Variants in GNPTAB observed in about 807,000 individuals in gnomAD.
The protein encoded by GNPTAB is N-acetylglucosamine-1-phosphotransferase subunits alpha/beta.
GNPTAB carries 92 observed loss-of-function variants against 136.6 expected under a neutral mutation model. The observed-to-expected ratio is 0.67, with a 90% CI of 0.57 to 0.80. GNPTAB has a LOEUF of 0.80. Among genes scored for constraint, GNPTAB ranks in the 30% least tolerant of loss-of-function variants. The pLI, the probability that GNPTAB is intolerant of heterozygous loss-of-function variation, is 0.00. For missense variants in GNPTAB, 1,343 were observed against 1,501.8 expected (o/e 0.89, Z 1.75); for synonymous variants, 512 against 535.1 (o/e 0.96, Z 0.60).
chr12:101,780,056 A>G, intron 7 of GNPTAB, 96 bp downstream of exon 7: 1 of 1,197,132 alleles, frequency 8.4e-7, no homozygotes, highest in East Asian at 2.3e-5. Context: ...TATGTTTATC[A>G]GCTAAACTTT....
intron 2 of GNPTAB, among the ~76,000 whole-genome samples, chr12:101,793,554 G>GTT (rs1869115230): frequency 6.6e-6 from 1 of 152,182 alleles, no homozygotes; most frequent in African/African-American, 2.4e-5. Context: ...TGAGTCAGTT[G>GTT]TTTTCCTATT....
intron 18 of GNPTAB, among the ~76,000 whole-genome samples, chr12:101,753,995 G>A (rs1184290436): frequency 6.6e-6 from 1 of 151,984 alleles, no homozygotes; most frequent in Non-Finnish European, 1.5e-5. Context: ...CTACAAATAT[G>A]AAAATTAGCC....
rs1440593346 is a variant in GNPTAB, at chr12:101,760,016, C to A, written c.3249+14G>T. 1 of 1,423,674 alleles carries A rather than the reference C, an allele frequency of 7.0e-7. No homozygotes were observed. Among genetic ancestry groups the A allele is most frequent in the Middle Eastern group, 1.7e-4 (1 of 5,724 alleles). 88.2% of individuals were successfully genotyped at this position (1,423,674 alleles called of 1,614,324 possible). On this transcript the variant is annotated intron_variant, in intron 16 of 20. Transcript: ENST00000299314. ...TACTTTCTGTTGTACATAAAAGTAA[C>A]CCATTCCACTTACCAGGTTGGGATC...
chr12:101,806,708 A>G (rs905450017), intron 1 of GNPTAB, among the ~76,000 whole-genome samples: 1 of 152,212 alleles, frequency 6.6e-6, no homozygotes, highest in African/African-American at 2.4e-5. Context: ...CTTGAAACAC[A>G]TGATCCAAAA....
chr12:101,798,569 A>G (rs1869432195), intron 1 of GNPTAB, among the ~76,000 whole-genome samples: 1 of 152,404 alleles, frequency 6.6e-6, no homozygotes, highest in African/African-American at 2.4e-5. Flanking sequence ...ATCAAAACTT[A>G]TACAAACACA....
At chr12:101,757,717 T>A in intron 16 of GNPTAB, 60 bp from the exon 17 acceptor site, 1 of 847,764 alleles carries the variant, frequency 1.2e-6, no homozygotes, top group African/African-American at 1.7e-5. Context: ...GGCAATTTAG[T>A]CCTAATCTTA....
intron 16 of GNPTAB, 106 bp downstream of exon 16, chr12:101,759,924 C>T: frequency 1.3e-6 from 1 of 764,728 alleles, no homozygotes; most frequent in Non-Finnish European, 2.4e-6. Flanking sequence ...ACATATAAAA[C>T]CATAGAGCCT....
rs1566071995 is a variant in GNPTAB at position 101,761,780 on chromosome 12, A to G, written c.2716-17T>C. 6.4e-7 allele frequency: 1 copy of G among 1,562,470 alleles called. No homozygotes were observed. Among genetic ancestry groups the G allele is most frequent in the Non-Finnish European group, 8.8e-7 (1 of 1,133,800 alleles). On this transcript the variant is annotated splice_polypyrimidine_tract_variant and intron_variant, in intron 13 of 20. Transcript: ENST00000299314. ...CTCTTCTTCCTGAAAAGAGAATTCTACATGTAACTCAGCATTATGTTTAGT... is the reference window on the plus strand; with the variant it reads ...CTCTTCTTCCTGAAAAGAGAATTCTGCATGTAACTCAGCATTATGTTTAGT...
At chr12:101,785,969 C>T (rs774128804) in intron 5 of GNPTAB, 43 bp downstream of exon 5, 41 of 1,362,606 alleles carry the variant, frequency 3.0e-5, no homozygotes, top group Non-Finnish European at 3.5e-5. Flanking sequence ...ATTCAAACAT[C>T]CAATGATAAC....
intron 18 of GNPTAB, 91 bp downstream of exon 18, chr12:101,757,121 T>C: frequency 1.3e-6 from 1 of 743,222 alleles, no homozygotes; most frequent in East Asian, 2.7e-5. Flanking sequence ...CCTTTTGGTC[T>C]GTTCCATACA....
chr12:101,790,964 T>C (rs936114601), intron 2 of GNPTAB, among the ~76,000 whole-genome samples: 13 of 151,924 alleles, frequency 8.6e-5, no homozygotes, highest in African/African-American at 4.8e-5. Context: ...TGTGTGGCCC[T>C]CTCCTAGAAT....
intron 1 of GNPTAB, among the ~76,000 whole-genome samples, chr12:101,827,848 C>T (rs906816980): frequency 2.0e-5 from 3 of 152,072 alleles, no homozygotes; most frequent in Non-Finnish European, 4.4e-5. Flanking sequence ...TGCCTATAAT[C>T]CCAGCTACTC....
In GNPTAB at chr12:101,830,607, GCAC is replaced by G. The variant is rs1215555035; in HGVS notation, c.66_68del (p.Cys23del). The G allele has an allele frequency of 1.2e-6, 2 of 1,613,164 alleles. No individual in the cohort carries two copies. The highest frequency in any genetic ancestry group is 4.5e-5 in the East Asian group (2 of 44,846). ...CGATGGTGACAACGACGCCCAAGAA[GCAC>G]ACGTAGAGCCCATACCTGTGGGACA... On this transcript the variant is annotated inframe_deletion, in exon 1 of 21. Transcript: ENST00000299314.
intron 1 of GNPTAB, among the ~76,000 whole-genome samples, chr12:101,812,902 T>C (rs1160081512): frequency 6.6e-6 from 1 of 152,070 alleles, no homozygotes; most frequent in African/African-American, 2.4e-5. Flanking sequence ...CCTCCCAGAC[T>C]TAAGCAATCC....
chr12:101,761,595 C>A lies in GNPTAB; in HGVS notation c.2884G>T (p.Asp962Tyr), dbSNP rs750799040. 1.2e-6 allele frequency: 2 copies of A among 1,614,156 alleles called. No individual in the cohort carries two copies. Among genetic ancestry groups the A allele is most frequent in the Non-Finnish European group, 1.7e-6 (2 of 1,180,024 alleles). Residue 962 changes from aspartate to tyrosine, a missense_variant, in exon 14 of 21, where the codon GAC becomes TAC. Transcript: ENST00000299314. ...TGCAGTTCTTGCATAACAATCCGGT[C>A]AATCATGTGAGGCATGTGAGCAGGG... ...KVPAHMPHMI[D>Y]RIVMQELQDM...
At chr12:101,774,701 C>T (rs1181722108) in intron 7 of GNPTAB, among the ~76,000 whole-genome samples, 1 of 152,068 alleles carries the variant, frequency 6.6e-6, no homozygotes, top group African/African-American at 2.4e-5. Context: ...TACATAGAGC[C>T]ACTTTAAGAT....
chr12:101,753,118 G>A (rs958979192), intron 19 of GNPTAB, among the ~76,000 whole-genome samples: 6 of 151,966 alleles, frequency 3.9e-5, no homozygotes, highest in African/African-American at 9.7e-5. Flanking sequence ...GCTGGGCTTC[G>A]TGGCATATGC....
In GNPTAB at chr12:101,811,034, T is replaced by C. The variant is rs554590267; in HGVS notation, c.118-14272A>G. Among the ~76,000 whole-genome samples the C allele has an allele frequency of 2.0e-5, 3 of 152,350 alleles. No individual in the cohort carries two copies. In the South Asian group the frequency reaches 6.2e-4, roughly 32 times the overall value. On this transcript the variant is annotated intron_variant, in intron 1 of 20. Transcript: ENST00000299314. ...AGTATCTAGAGGATCTCTCAGCCTC[T>C]ACCTTTGCCTTGAGAAGAACACAAC...
intron 19 of GNPTAB, among the ~76,000 whole-genome samples, chr12:101,752,019 TAA>T (rs5800485): frequency 3.8e-3 from 559 of 145,702 alleles, no homozygotes; most frequent in Non-Finnish European, 3.3e-3. Context: ...ACAGTTAAGT[TAA>T]AAAAAAAAAA....
Sources: allele counts gnomAD v4.1 joint callset (sites outside exome capture counted in the v4.1 genomes callset), GRCh38; gene constraint gnomAD v4.1.1; transcripts MANE v1.5; gene names NCBI Gene and HGNC (gene_info 2026-07-23, HGNC 2026-07-21).